Variants in ADGRB3 observed in about 807,000 individuals in gnomAD.
The protein encoded by ADGRB3 is brain-specific angiogenesis inhibitor 3.
A neutral mutation model predicts 193.4 loss-of-function variants in ADGRB3; 37 were observed. The ratio of observed to expected loss-of-function variants is 0.19; its 90% CI spans 0.15 to 0.25. ADGRB3 has a LOEUF of 0.25. ADGRB3 is among the 10% of genes least tolerant of loss of function. The probability of loss-of-function intolerance (pLI) is 1.00; values close to 1 mark genes in which losing one functional copy is unlikely to be tolerated. For synonymous variants in ADGRB3, 690 were observed against 644.2 expected (o/e 1.07, Z -1.08); for missense variants, 1,637 against 1,852.9 (o/e 0.88, Z 2.14).
chr6:68,869,001 GT>G (rs1305774127), intron 3 of ADGRB3, among the ~76,000 whole-genome samples: 2 of 150,342 alleles, frequency 1.3e-5, no homozygotes, highest in East Asian at 4.0e-4. Context: ...CTGTGCTTTT[GT>G]TTTGTTGATG....
chr6:69,039,865 C>T (rs1260941374), intron 13 of ADGRB3, among the ~76,000 whole-genome samples: 2 of 151,482 alleles, frequency 1.3e-5, no homozygotes, highest in Non-Finnish European at 2.9e-5. Flanking sequence ...CCTTAGCCTC[C>T]CGAGTAGCTG....
chr6:69,070,358 A>G (rs995096750), intron 16 of ADGRB3, among the ~76,000 whole-genome samples: 1 of 152,168 alleles, frequency 6.6e-6, no homozygotes, highest in Non-Finnish European at 1.5e-5. Flanking sequence ...TAATAATTGT[A>G]TTGATCTGTG....
intron 3 of ADGRB3, among the ~76,000 whole-genome samples, chr6:68,658,641 T>C (rs1003436598): frequency 3.3e-5 from 5 of 151,332 alleles, no homozygotes; most frequent in African/African-American, 1.2e-4. Flanking sequence ...ACAAAGTTTT[T>C]TGGATTGCTA....
intron 17 of ADGRB3, among the ~76,000 whole-genome samples, chr6:69,175,119 C>G (rs989422073): frequency 6.6e-6 from 1 of 152,084 alleles, no homozygotes; most frequent in African/African-American, 2.4e-5. Context: ...TTAATTAGAA[C>G]TCACTTGTCA....
intron 17 of ADGRB3, among the ~76,000 whole-genome samples, chr6:69,207,374 A>C (rs933946717): frequency 6.6e-6 from 1 of 152,192 alleles, no homozygotes; most frequent in Non-Finnish European, 1.5e-5. Context: ...TAACAAACCC[A>C]AATGAGGAAT....
At chr6:69,043,781 A>G (rs1771156646) in intron 13 of ADGRB3, among the ~76,000 whole-genome samples, 2 of 152,250 alleles carry the variant, frequency 1.3e-5, no homozygotes, top group Non-Finnish European at 2.9e-5. Flanking sequence ...AGTTTAGGCA[A>G]TTTGCTCAGT....
chr6:68,908,243 T>C (rs1766603362), intron 3 of ADGRB3, among the ~76,000 whole-genome samples: 1 of 151,986 alleles, frequency 6.6e-6, no homozygotes, highest in African/African-American at 2.4e-5. Flanking sequence ...AATTCTAAGG[T>C]TTCTTTTTTT....
At chr6:69,300,430 A>G (rs1767925394) in intron 20 of ADGRB3, among the ~76,000 whole-genome samples, 2 of 151,770 alleles carry the variant, frequency 1.3e-5, no homozygotes, top group Non-Finnish European at 3.0e-5. Flanking sequence ...CCACTTTTAC[A>G]ACTTTTATTC....
At chr6:69,042,787 T>C (rs1364596503) in intron 13 of ADGRB3, among the ~76,000 whole-genome samples, 1 of 152,202 alleles carries the variant, frequency 6.6e-6, no homozygotes, top group Admixed American at 6.5e-5. Flanking sequence ...CAAGGTTCCA[T>C]TTGTAAGTTG....
intron 17 of ADGRB3, among the ~76,000 whole-genome samples, chr6:69,158,944 A>G (rs892823486): frequency 6.6e-6 from 1 of 152,038 alleles, no homozygotes; most frequent in African/African-American, 2.4e-5. Context: ...TTATTATAGC[A>G]TTATTCATCT....
rs1770132469 is a variant in ADGRB3, at chr6:69,388,854, T to C, written c.4532T>C (p.Leu1511Pro). 1 of 1,613,102 alleles carries C rather than the reference T, an allele frequency of 6.2e-7. No homozygotes were observed. The highest frequency in any genetic ancestry group is 8.5e-7 in the Non-Finnish European group (1 of 1,179,534). The change falls in exon 32 of 32, where the codon CTG becomes CCG. Residue 1511 changes from leucine to proline, a missense_variant. Leu to Pro is a moderately conservative substitution (Grantham distance 98). Transcript: ENST00000370598. ...AEWEKCLNLP[L>P]DVQEGDFQTE... ...TGGGAGAAGTGTCTGAATTTGCCTCTGGATGTGCAAGAGGGTGACTTTCAA... is the reference window on the plus strand; with the variant it reads ...TGGGAGAAGTGTCTGAATTTGCCTCCGGATGTGCAAGAGGGTGACTTTCAA...
At chr6:69,117,225 T>G (rs992345237) in intron 17 of ADGRB3, among the ~76,000 whole-genome samples, 2 of 152,350 alleles carry the variant, frequency 1.3e-5, no homozygotes, top group South Asian at 2.1e-4. Flanking sequence ...CTATAGTGCT[T>G]TATGCCCTGC....
chr6:69,109,095 T>A (rs1275293041), intron 17 of ADGRB3, among the ~76,000 whole-genome samples: 1 of 152,198 alleles, frequency 6.6e-6, no homozygotes, highest in Non-Finnish European at 1.5e-5. Flanking sequence ...CAGTATCTGA[T>A]TTATCTCTTA....
chr6:68,896,142 T>A (rs933033453), intron 3 of ADGRB3, among the ~76,000 whole-genome samples: 1 of 152,124 alleles, frequency 6.6e-6, no homozygotes, highest in African/African-American at 2.4e-5. Context: ...GGAATTTAGG[T>A]ACAAGTAGTA....
chr6:68,988,655 G>C (rs1769146857), intron 10 of ADGRB3, among the ~76,000 whole-genome samples: 1 of 152,110 alleles, frequency 6.6e-6, no homozygotes, highest in South Asian at 2.1e-4. Context: ...AGAACTGTAG[G>C]AAAAAGCTAT....
rs1768528214 is a variant in ADGRB3, at chr6:68,657,831, G to A, written c.757+18399G>A. On this transcript the variant is annotated intron_variant, in intron 3 of 31. Coordinates refer to ENST00000370598, the MANE Select transcript of ADGRB3 (RefSeq NM_001704.3). ...AATATCAGCCTAATATATCTATTTT[G>A]ATTAATTATGTATTTGATTAATTAA... is the stretch of plus-strand genomic sequence containing the variant. Among the ~76,000 whole-genome samples the A allele has an allele frequency of 2.0e-5, 3 of 151,170 alleles. No homozygotes were observed. In the South Asian group the frequency reaches 6.2e-4, roughly 31 times the overall value.
intron 3 of ADGRB3, among the ~76,000 whole-genome samples, chr6:68,877,659 A>C (rs1403054798): frequency 6.6e-6 from 1 of 152,120 alleles, no homozygotes; most frequent in African/African-American, 2.4e-5. Context: ...AAGTATTGAA[A>C]ACAAAGACAT....
chr6:68,911,358 G>A (rs538528679), intron 3 of ADGRB3, among the ~76,000 whole-genome samples: 10 of 152,082 alleles, frequency 6.6e-5, no homozygotes, highest in African/African-American at 2.2e-4. Context: ...CATGGCACAT[G>A]TATACGTATG....
chr6:69,121,652 C>A (rs1434797978), intron 17 of ADGRB3, among the ~76,000 whole-genome samples: 3 of 150,584 alleles, frequency 2.0e-5, no homozygotes, highest in African/African-American at 4.9e-5. Flanking sequence ...CACTCCTCAC[C>A]TCCCAGATGG....
Sources: allele counts gnomAD v4.1 joint callset (sites outside exome capture counted in the v4.1 genomes callset), GRCh38; gene constraint gnomAD v4.1.1; transcripts MANE v1.5; gene names NCBI Gene and HGNC (gene_info 2026-07-23, HGNC 2026-07-21).